Variants in TRABD2B observed in about 807,000 individuals in gnomAD.
TRABD2B encodes metalloprotease TIKI2.
TRABD2B carries 14 observed loss-of-function variants against 40.1 expected under a neutral mutation model. The observed-to-expected ratio is 0.35, with a 90% confidence interval of 0.23 to 0.55. The LOEUF is 0.55. Among genes scored for constraint, TRABD2B ranks in the 20% least tolerant of loss-of-function variants. The probability of loss-of-function intolerance (pLI) is 0.90; values close to 1 mark genes in which losing one functional copy is unlikely to be tolerated. For missense variants in TRABD2B, 541 were observed against 648.6 expected, an observed-to-expected ratio of 0.83 and a Z score of 1.80; for synonymous variants, 263 against 277.0, an observed-to-expected ratio of 0.95 and a Z score of 0.50.
chr1:47,897,585 A>C (rs1020696820), intron 2 of TRABD2B, among the ~76,000 whole-genome samples: 1 of 152,204 alleles, frequency 6.6e-6, no homozygotes. Flanking sequence ...CTTCTTTTAA[A>C]AGGCAAGGTA....
At position 47,863,372 on chromosome 1, in the gene TRABD2B, T is replaced by TTATATATATA. The variant is rs201881656; in HGVS notation, c.667-61763_667-61754dup. Among the ~76,000 whole-genome samples, 68 of 66,492 alleles carry TTATATATATA rather than the reference T, an allele frequency of 1.0e-3. 6 individuals carry two copies. Among genetic ancestry groups the TTATATATATA allele is most frequent in the East Asian group, 3.2e-3 (5 of 1,540 alleles). 43.6% of individuals were successfully genotyped at this position (66,492 alleles called of 152,430 possible). A position where few individuals can be genotyped will look rare whatever the true frequency, so the allele number is the denominator to read the frequency against. On this transcript the variant is annotated intron_variant, in intron 2 of 6. Coordinates refer to ENST00000606738, the MANE Select transcript of TRABD2B (RefSeq NM_001194986.2). ...ATAATTGGATATATCCTATATAATT[T>TTATATATATA]TATATATATATATATATATATAATC...
chr1:47,767,917 C>T (rs1569867991), intron 6 of TRABD2B, among the ~76,000 whole-genome samples: 1 of 152,226 alleles, frequency 6.6e-6, no homozygotes, highest in South Asian at 2.1e-4. Flanking sequence ...GTCCAGGCCA[C>T]CGTCCTGGCC....
chr1:47,951,196 A>G (rs1232636203), intron 2 of TRABD2B, among the ~76,000 whole-genome samples: 1 of 152,210 alleles, frequency 6.6e-6, no homozygotes, highest in Non-Finnish European at 1.5e-5. Flanking sequence ...AGAGGCAGAC[A>G]GGCAGGCGGG....
chr1:47,968,493 C>A (rs1413942074), intron 2 of TRABD2B, among the ~76,000 whole-genome samples: 1 of 152,162 alleles, frequency 6.6e-6, no homozygotes, highest in East Asian at 1.9e-4. Context: ...AACGGTTACT[C>A]CAGAGTCATT....
chr1:47,800,312 T>C (rs1189942433), intron 3 of TRABD2B, among the ~76,000 whole-genome samples: 1 of 152,140 alleles, frequency 6.6e-6, no homozygotes, highest in East Asian at 1.9e-4. Context: ...GTCAGGTGGT[T>C]GGGGCCAGCC....
chr1:47,856,228 C>T (rs925012735), intron 2 of TRABD2B, among the ~76,000 whole-genome samples: 2 of 152,238 alleles, frequency 1.3e-5, no homozygotes, highest in Non-Finnish European at 2.9e-5. Flanking sequence ...CCAGGCACCC[C>T]TTCCACACAC....
intron 2 of TRABD2B, among the ~76,000 whole-genome samples, chr1:47,992,035 G>A (rs1646019514): frequency 6.6e-6 from 1 of 152,324 alleles, no homozygotes; most frequent in African/African-American, 2.4e-5. Flanking sequence ...AAATTGGCAT[G>A]ATTGGACACT....
At chr1:47,840,476 T>C (rs1645381472) in intron 2 of TRABD2B, among the ~76,000 whole-genome samples, 2 of 152,214 alleles carry the variant, frequency 1.3e-5, no homozygotes, top group Admixed American at 6.5e-5. Context: ...ACAGACCCTA[T>C]AGGCCCAGCC....
At chr1:47,800,839 T>C (rs1239155855) in intron 3 of TRABD2B, among the ~76,000 whole-genome samples, 1 of 152,074 alleles carries the variant, frequency 6.6e-6, no homozygotes, top group Admixed American at 6.5e-5. Context: ...CAAGGTACAA[T>C]GGAAGAGTTG....
intron 2 of TRABD2B, among the ~76,000 whole-genome samples, chr1:47,808,329 A>ATATATACC (rs1287192771): frequency 3.3e-5 from 5 of 152,262 alleles, no homozygotes; most frequent in Middle Eastern, 3.4e-3. Context: ...GTATATACCT[A>ATATATACC]TATATATATT....
intron 3 of TRABD2B, among the ~76,000 whole-genome samples, chr1:47,799,468 C>T (rs1374202993): frequency 6.6e-6 from 1 of 152,198 alleles, no homozygotes; most frequent in South Asian, 2.1e-4. Flanking sequence ...AGCAAAGCCT[C>T]CAGTTCTTTT....
chr1:47,890,913 C>T (rs987983249), intron 2 of TRABD2B, among the ~76,000 whole-genome samples: 2 of 152,202 alleles, frequency 1.3e-5, no homozygotes, highest in Non-Finnish European at 2.9e-5. Flanking sequence ...GGCACTAGTG[C>T]CGGTTCCCAT....
intron 2 of TRABD2B, among the ~76,000 whole-genome samples, chr1:47,820,706 T>TC (rs1474395945): frequency 1.3e-5 from 2 of 151,652 alleles, no homozygotes; most frequent in Non-Finnish European, 2.9e-5. Context: ...CTCATGTCCG[T>TC]CCTCCATCAA....
At chr1:47,980,024 G>C (rs1645818134) in intron 2 of TRABD2B, among the ~76,000 whole-genome samples, 1 of 152,170 alleles carries the variant, frequency 6.6e-6, no homozygotes, top group East Asian at 1.9e-4. Flanking sequence ...TGAGAGTGAG[G>C]GTCAGTGGCC....
At chr1:47,822,175 C>T (rs892581496) in intron 2 of TRABD2B, among the ~76,000 whole-genome samples, 10 of 152,192 alleles carry the variant, frequency 6.6e-5, no homozygotes, top group Non-Finnish European at 1.5e-4. Flanking sequence ...CACAAACACA[C>T]ATACACTCCT....
At chr1:47,858,883 G>T (rs994055621) in intron 2 of TRABD2B, among the ~76,000 whole-genome samples, 2 of 152,202 alleles carry the variant, frequency 1.3e-5, no homozygotes, top group African/African-American at 4.8e-5. Context: ...TGGGATAACT[G>T]GGCACAGCAG....
chr1:47,778,528 G>A lies in TRABD2B; in HGVS notation c.1005C>T (p.Asn335=). The A allele has an allele frequency of 6.5e-7, 1 of 1,536,108 alleles. No individual in the cohort carries two copies. The highest frequency in any genetic ancestry group is 8.7e-7 in the Non-Finnish European group (1 of 1,146,864). Residue 335 remains asparagine, a synonymous_variant, in exon 5 of 7, where the codon AAC becomes AAT. Coordinates refer to ENST00000606738, the MANE Select transcript of TRABD2B (RefSeq NM_001194986.2). ...GCCGCAGGATGTCGATGACTGTGTT[G>A]TTCCCCAGAAAGTGACCTGGAACAC... ...FAFGAGHFLG[N]NTVIDILRQA...
intron 2 of TRABD2B, among the ~76,000 whole-genome samples, chr1:47,823,514 C>T (rs538225429): frequency 6.6e-6 from 1 of 152,358 alleles, no homozygotes; most frequent in African/African-American, 2.4e-5. Flanking sequence ...TCATTAGGGC[C>T]TGGGGCTTTG....
At chr1:47,774,246 G>A (rs1052295976) in intron 6 of TRABD2B, among the ~76,000 whole-genome samples, 7 of 152,144 alleles carry the variant, frequency 4.6e-5, no homozygotes, top group Admixed American at 1.3e-4. Context: ...CCTGGATGGC[G>A]ATCTCTAGGG....
Sources: allele counts gnomAD v4.1 joint callset (sites outside exome capture counted in the v4.1 genomes callset), GRCh38; gene constraint gnomAD v4.1.1; transcripts MANE v1.5; gene names NCBI Gene and HGNC (gene_info 2026-07-23, HGNC 2026-07-21).